Variants in PEAK1 observed in about 807,000 individuals in gnomAD.
The protein encoded by PEAK1 is inactive tyrosine-protein kinase PEAK1.
A neutral mutation model predicts 124.7 loss-of-function variants in PEAK1; 54 were observed. The observed-to-expected ratio is 0.43, with a 90% CI of 0.35 to 0.54. PEAK1 has a LOEUF of 0.54. Ranked by LOEUF, PEAK1 falls within the 20% of genes least tolerant of loss-of-function variation. PEAK1 has a pLI of 0.01. For missense variants in PEAK1, 2,046 were observed against 2,134.5 expected (o/e 0.96, Z 0.82); for synonymous variants, 719 against 760.0 (o/e 0.95, Z 0.89).
intron 6 of PEAK1, among the ~76,000 whole-genome samples, chr15:77,184,218 T>C (rs1215657537): frequency 2.0e-5 from 3 of 151,874 alleles, no homozygotes; most frequent in African/African-American, 7.2e-5. Flanking sequence ...AAATTTATAA[T>C]ATTGTAAATA....
chr15:77,227,800 C>T (rs1223232992), intron 6 of PEAK1, among the ~76,000 whole-genome samples: 1 of 151,922 alleles, frequency 6.6e-6, no homozygotes, highest in Non-Finnish European at 1.5e-5. Flanking sequence ...GAGTTCAAGA[C>T]CTTCCTGGAC....
intron 2 of PEAK1, among the ~76,000 whole-genome samples, chr15:77,359,845 C>T (rs1184383591): frequency 6.6e-6 from 1 of 152,044 alleles, no homozygotes; most frequent in Non-Finnish European, 1.5e-5. Context: ...TGTAAAGTCC[C>T]CAAACTGATT....
In PEAK1 at chr15:77,183,237, T is replaced by C. The variant is rs576498673; in HGVS notation, c.-114-1197A>G. ...CATTGGAACGCCAGTCACACTCATT[T>C]GTTTACATACTCATTTGCCTATGGT... is the stretch of plus-strand genomic sequence containing the variant. On this transcript the variant is annotated intron_variant, in intron 6 of 9. Transcript: ENST00000682557. 7.9e-5 allele frequency among the ~76,000 whole-genome samples: 12 copies of C among 152,310 alleles called. No homozygotes were observed. In the East Asian group the frequency reaches 2.3e-3, roughly 29 times the overall value.
chr15:77,237,594 T>C (rs1219738820), intron 6 of PEAK1, among the ~76,000 whole-genome samples: 1 of 152,120 alleles, frequency 6.6e-6, no homozygotes, highest in African/African-American at 2.4e-5. Flanking sequence ...ATCAATTACA[T>C]TAAGCTCATT....
intron 6 of PEAK1, among the ~76,000 whole-genome samples, chr15:77,208,377 C>T (rs2058759137): frequency 6.6e-6 from 1 of 152,174 alleles, no homozygotes; most frequent in African/African-American, 2.4e-5. Context: ...TTGGTAACCA[C>T]ATATCTTCTC....
intron 9 of PEAK1, among the ~76,000 whole-genome samples, chr15:77,130,830 C>T (rs1261932582): frequency 1.3e-5 from 2 of 152,198 alleles, no homozygotes; most frequent in Non-Finnish European, 2.9e-5. Context: ...AAGATTGTTA[C>T]TCTCTTAAAG....
At position 77,181,747 on chromosome 15, in the gene PEAK1, A is replaced by G; in HGVS notation, c.180T>C (p.Asn60=). The part of the protein sequence containing the change: ...SNNHRIRNTG[N]FRPPVAKKPT... ...GTTTTTTAGCCACAGGAGGCCGGAAATTGCCCGTGTTCCTGATGCGGTGGT... is the reference window on the plus strand; with the variant it reads ...GTTTTTTAGCCACAGGAGGCCGGAAGTTGCCCGTGTTCCTGATGCGGTGGT... The change falls in exon 7 of 10, where the codon AAT becomes AAC. Residue 60 remains asparagine, a synonymous_variant. Coordinates refer to ENST00000682557, the MANE Select transcript of PEAK1 (RefSeq NM_001385026.1). 1 of 1,614,114 alleles carries G rather than the reference A, an allele frequency of 6.2e-7. No individual in the cohort carries two copies. The highest frequency in any genetic ancestry group is 8.5e-7 in the Non-Finnish European group (1 of 1,180,002).
chr15:77,250,202 C>CATATAT (rs1402726997), intron 6 of PEAK1, among the ~76,000 whole-genome samples: 1 of 104,398 alleles, frequency 9.6e-6, no homozygotes, highest in African/African-American at 3.2e-5. Flanking sequence ...CATATATATA[C>CATATAT]ATATATATGT....
Position 77,210,687 on chromosome 15 carries a change from C to T in PEAK1, c.-114-28647G>A, listed in dbSNP as rs566943940. On this transcript the variant is annotated intron_variant, in intron 6 of 9. Transcript: ENST00000682557. ...CTGAGGTCAGGAGTTTGAGATCAGACTGGCCAACATGGTGAAACCCCATCT... is the reference window on the plus strand; with the variant it reads ...CTGAGGTCAGGAGTTTGAGATCAGATTGGCCAACATGGTGAAACCCCATCT... Among the ~76,000 whole-genome samples the T allele has an allele frequency of 2.6e-5, 4 of 152,278 alleles. No individual in the cohort carries two copies. The East Asian group carries it at 7.7e-4, about 29-fold the overall frequency.
At chr15:77,373,361 A>AT (rs1450996808) in intron 1 of PEAK1, among the ~76,000 whole-genome samples, 1 of 152,184 alleles carries the variant, frequency 6.6e-6, no homozygotes, top group Non-Finnish European at 1.5e-5. Context: ...ATATACTTAC[A>AT]TAAGTACCTC....
At chr15:77,255,399 T>C in intron 5 of PEAK1, 1 of 982,496 alleles carries the variant, frequency 1.0e-6, no homozygotes, top group Non-Finnish European at 1.2e-6. Flanking sequence ...TTATTTCATA[T>C]TTGAAAACAA....
chr15:77,352,495 C>T (rs2067268520), intron 2 of PEAK1: 2 of 985,018 alleles, frequency 2.0e-6, no homozygotes, highest in South Asian at 9.4e-5. Context: ...TGGAGAGAGC[C>T]TGGACATTTT....
chr15:77,236,011 C>T (rs1355747440), intron 6 of PEAK1, among the ~76,000 whole-genome samples: 1 of 152,220 alleles, frequency 6.6e-6, no homozygotes, highest in South Asian at 2.1e-4. Context: ...AGAGGATGTA[C>T]AGAAACACTC....
chr15:77,333,431 G>C, intron 2 of PEAK1: 3 of 964,728 alleles, frequency 3.1e-6, no homozygotes, highest in Non-Finnish European at 3.7e-6. Flanking sequence ...TCTTCTTTTT[G>C]CTTGTATATT....
Position 77,335,582 on chromosome 15 carries a change from G to A in PEAK1, c.-603+29581C>T, listed in dbSNP as rs757498108. The A allele has an allele frequency of 3.1e-4, 253 of 805,046 alleles. 1 individual carries two copies. In the Middle Eastern group the frequency reaches 3.8e-3, roughly 12 times the overall value. 49.9% of individuals were successfully genotyped at this position (805,046 alleles called of 1,614,324 possible). A position where few individuals can be genotyped will look rare whatever the true frequency, so the allele number is the denominator to read the frequency against. The stretch of plus-strand genomic sequence containing the variant: ...GCAGCCATGAAGTCTGGGCTTAAGC[G>A]AACCGCCTGACACAGCCTCCTGAGT... On this transcript the variant is annotated intron_variant, in intron 2 of 9. Transcript: ENST00000682557.
At position 77,388,095 on chromosome 15, in the gene PEAK1, G is replaced by A. The variant is rs2070110832; in HGVS notation, c.-665-22870C>T. Among the ~76,000 whole-genome samples the A allele has an allele frequency of 3.9e-5, 6 of 152,154 alleles. No individual in the cohort carries two copies. The South Asian group carries it at 1.0e-3, about 26-fold the overall frequency. On this transcript the variant is annotated intron_variant, in intron 1 of 9. Coordinates refer to ENST00000682557, the MANE Select transcript of PEAK1 (RefSeq NM_001385026.1). The stretch of plus-strand genomic sequence containing the variant: ...GTGGTCCCAGCTACTTGTGGGGCTT[G>A]AGGCAGGAGGATCGCTTGAGCCCAA...
Position 77,180,276 on chromosome 15 carries a change from T to C in PEAK1, c.1651A>G (p.Ile551Val), listed in dbSNP as rs2152818933. ...ACATTTGGTCCAGTTCCACTAGTAA[T>C]TAGTTCTACTTTAGGTATCTTTTGT... Reference protein sequence around the residue: ...PRQKIPKVELITSGTGPNVPP... With the variant: ...PRQKIPKVELVTSGTGPNVPP... Residue 551 changes from isoleucine to valine, a missense_variant, in exon 7 of 10, where the codon ATT becomes GTT. Physicochemically the swap from Ile to Val is conservative, Grantham distance 29 (BLOSUM62 3). Transcript: ENST00000682557. 6.2e-7 allele frequency: 1 copy of C among 1,614,200 alleles called. No homozygotes were observed. Among genetic ancestry groups the C allele is most frequent in the South Asian group, 1.1e-5 (1 of 91,086 alleles).
At chr15:77,247,875 C>T (rs1266742653) in intron 6 of PEAK1, among the ~76,000 whole-genome samples, 1 of 151,914 alleles carries the variant, frequency 6.6e-6, no homozygotes, top group African/African-American at 2.4e-5. Context: ...TTTTGATTTG[C>T]CAATATTTTC....
chr15:77,375,503 G>C (rs952828109), intron 1 of PEAK1, among the ~76,000 whole-genome samples: 1 of 152,148 alleles, frequency 6.6e-6, no homozygotes, highest in Non-Finnish European at 1.5e-5. Context: ...GTGACTATCT[G>C]AATATCTAAG....
Sources: allele counts gnomAD v4.1 joint callset (sites outside exome capture counted in the v4.1 genomes callset), GRCh38; gene constraint gnomAD v4.1.1; transcripts MANE v1.5; gene names NCBI Gene and HGNC (gene_info 2026-07-23, HGNC 2026-07-21).